DHRSX: variants seen among roughly 807,000 people sequenced by gnomAD.
DHRSX encodes the protein polyprenol dehydrogenase.
A neutral mutation model predicts 34.0 loss-of-function variants in DHRSX; 31 were observed. The ratio of observed to expected loss-of-function variants is 0.91; its 90% CI spans 0.69 to 1.23. DHRSX has a LOEUF of 1.23. Among genes scored for constraint, DHRSX ranks in the 50% most tolerant of loss-of-function variants. DHRSX has a pLI of 0.00. For synonymous variants in DHRSX, 201 were observed against 183.8 expected, an observed-to-expected ratio of 1.09 and a Z score of -0.76; for missense variants, 414 against 428.1, an observed-to-expected ratio of 0.97 and a Z score of 0.29.
intron 1 of DHRSX, among the ~76,000 whole-genome samples, chrX:2,432,059 T>A (rs1305391384): frequency 6.6e-6 from 1 of 152,066 alleles, no homozygotes; most frequent in East Asian, 1.9e-4. Context: ...GGCGTGGTGG[T>A]GTGTGCCACC....
At chrX:2,318,646 G>C (rs758208821) in intron 3 of DHRSX, among the ~76,000 whole-genome samples, 16 of 147,774 alleles carry the variant, frequency 1.1e-4, no homozygotes, top group Admixed American at 3.3e-4. Flanking sequence ...GGTCTAAAAA[G>C]GGGAGGAACC....
At chrX:2,379,210 G>T (rs1489181721) in intron 3 of DHRSX, among the ~76,000 whole-genome samples, 1 of 152,082 alleles carries the variant, frequency 6.6e-6, no homozygotes, top group Non-Finnish European at 1.5e-5. Context: ...TGAATGTGTG[G>T]CAAGCAAAGA....
chrX:2,357,166 C>A (rs1244344053), intron 3 of DHRSX, among the ~76,000 whole-genome samples: 1 of 152,126 alleles, frequency 6.6e-6, no homozygotes, highest in Non-Finnish European at 1.5e-5. Flanking sequence ...ATCGCTTGAA[C>A]CCAGGAGGCG....
At chrX:2,256,314 G>A (rs2041278105) in intron 5 of DHRSX, among the ~76,000 whole-genome samples, 1 of 148,360 alleles carries the variant, frequency 6.7e-6, no homozygotes, top group Non-Finnish European at 1.5e-5. Flanking sequence ...TTTTTGAGAG[G>A]GAGTCTTGCT....
rs539921571 is a variant in DHRSX, at chrX:2,338,871, T to C, written c.287-47268A>G. On this transcript the variant is annotated intron_variant, in intron 3 of 6. Transcript: ENST00000334651. ...CACCCCAGCTCTCTCTACCATGGGGTATTTATGTCACTAGTGATGACCGTC... is the reference window on the plus strand; with the variant it reads ...CACCCCAGCTCTCTCTACCATGGGGCATTTATGTCACTAGTGATGACCGTC... Among the ~76,000 whole-genome samples the C allele has an allele frequency of 1.1e-4, 16 of 152,022 alleles. No homozygotes were observed. In the South Asian group the frequency reaches 2.5e-3, roughly 24 times the overall value.
chrX:2,236,221 T>C (rs918517433), intron 6 of DHRSX, among the ~76,000 whole-genome samples: 1 of 152,104 alleles, frequency 6.6e-6, no homozygotes, highest in African/African-American at 2.4e-5. Flanking sequence ...AGATGACCCA[T>C]AAAGACAAAC....
chrX:2,268,017 G>T (rs1377061229), intron 4 of DHRSX, among the ~76,000 whole-genome samples: 2 of 152,166 alleles, frequency 1.3e-5, no homozygotes, highest in Non-Finnish European at 2.9e-5. Context: ...AAACTGCTCA[G>T]ATGTCCTTTG....
At chrX:2,311,885 TCTAC>T (rs2042169650) in intron 3 of DHRSX, among the ~76,000 whole-genome samples, 1 of 152,084 alleles carries the variant, frequency 6.6e-6, no homozygotes, top group South Asian at 2.1e-4. Context: ...TTACCAAGGG[TCTAC>T]CTGTCTGCTG....
At chrX:2,353,999 C>A (rs1309322604) in intron 3 of DHRSX, among the ~76,000 whole-genome samples, 1 of 152,074 alleles carries the variant, frequency 6.6e-6, no homozygotes, top group African/African-American at 2.4e-5. Context: ...CTTCACAAGC[C>A]CCTTTCCATG....
At position 2,485,795 on chromosome X, in the gene DHRSX, G is replaced by GAGAGAAGGAAGGAAGGA. The variant is rs2044897173; in HGVS notation, c.109+15021_109+15022insTCCTTCCTTCCTTCTCT. 5.8e-5 allele frequency among the ~76,000 whole-genome samples: 2 copies of GAGAGAAGGAAGGAAGGA among 34,538 alleles called. 1 individual carries two copies. Among genetic ancestry groups the GAGAGAAGGAAGGAAGGA allele is most frequent in the African/African-American group, 2.3e-4 (2 of 8,604 alleles). The allele number at this position is 34,538 out of a possible 152,430, so 22.7% of individuals were successfully genotyped here. A position where few individuals can be genotyped will look rare whatever the true frequency, so the allele number is the denominator to read the frequency against. ...AGGAAGGGAGAAAAGGGAGAGAAGG[G>GAGAGAAGGAAGGAAGGA]AGAGAAGGAAGGAAGGGAGAGAAGG... On this transcript the variant is annotated intron_variant, in intron 1 of 6. Coordinates refer to ENST00000334651, the MANE Select transcript of DHRSX (RefSeq NM_145177.3).
intron 3 of DHRSX, among the ~76,000 whole-genome samples, chrX:2,396,598 G>A (rs1440940107): frequency 7.9e-5 from 12 of 151,504 alleles, no homozygotes; most frequent in Admixed American, 6.6e-4. Flanking sequence ...GGCTGGTCTC[G>A]AACTCCTGGC....
At chrX:2,343,387 C>T (rs1288080222) in intron 3 of DHRSX, among the ~76,000 whole-genome samples, 1 of 151,012 alleles carries the variant, frequency 6.6e-6, no homozygotes, top group Non-Finnish European at 1.5e-5. Flanking sequence ...GTGACTCCAC[C>T]TTAGAAAAAG....
intron 3 of DHRSX, among the ~76,000 whole-genome samples, chrX:2,359,888 C>G (rs1335613911): frequency 6.6e-6 from 1 of 151,834 alleles, no homozygotes; most frequent in Admixed American, 6.6e-5. Flanking sequence ...AACATATGGA[C>G]ACAGAGAGGG....
intron 6 of DHRSX, among the ~76,000 whole-genome samples, chrX:2,236,735 T>G (rs1212051512): frequency 6.6e-6 from 1 of 151,968 alleles, no homozygotes. Flanking sequence ...CCCGGCCACC[T>G]GGAGCATTTT....
chrX:2,493,439 AAAGTTT>A (rs1294844455), intron 1 of DHRSX, among the ~76,000 whole-genome samples: 6 of 151,964 alleles, frequency 3.9e-5, no homozygotes, highest in South Asian at 4.2e-4. Context: ...TCCTCAAACA[AAAGTTT>A]AAATTCTATT....
intron 4 of DHRSX, among the ~76,000 whole-genome samples, chrX:2,288,624 G>A (rs556717978): frequency 5.7e-4 from 87 of 152,328 alleles, no homozygotes; most frequent in African/African-American, 2.0e-3. Context: ...TAGAACCAGT[G>A]TCAGCCATAG....
chrX:2,319,894 T>C (rs944792495), intron 3 of DHRSX, among the ~76,000 whole-genome samples: 1 of 152,040 alleles, frequency 6.6e-6, no homozygotes, highest in African/African-American at 2.4e-5. Flanking sequence ...GATGGCGTGA[T>C]CTCAGCTCAC....
Position 2,224,952 on chromosome X carries a change from TCA to T in DHRSX, c.805-3725_805-3724del, listed in dbSNP as rs760916397. The stretch of plus-strand genomic sequence containing the variant: ...ATGCACTCATTCACATGTACACAGC[TCA>T]CACACATGCTCACATTCACATGCAC... On this transcript the variant is annotated intron_variant, in intron 6 of 6. Coordinates refer to ENST00000334651, the MANE Select transcript of DHRSX (RefSeq NM_145177.3). Among the ~76,000 whole-genome samples, 233 of 54,782 alleles carry T rather than the reference TCA, an allele frequency of 4.3e-3. 1 individual carries two copies. Among genetic ancestry groups the T allele is most frequent in the South Asian group, 0.024 (32 of 1,342 alleles). The allele number at this position is 54,782 out of a possible 152,430, so 35.9% of individuals were successfully genotyped here. A position where few individuals can be genotyped will look rare whatever the true frequency, so the allele number is the denominator to read the frequency against.
chrX:2,372,143 C>A (rs762000508), intron 3 of DHRSX, among the ~76,000 whole-genome samples: 1 of 152,130 alleles, frequency 6.6e-6, no homozygotes. Context: ...ACTCCCAGGG[C>A]TACTTACTAA....
Sources: allele counts gnomAD v4.1 joint callset (sites outside exome capture counted in the v4.1 genomes callset), GRCh38; gene constraint gnomAD v4.1.1; transcripts MANE v1.5; gene names NCBI Gene and HGNC (gene_info 2026-07-23, HGNC 2026-07-21).